The following CAST variants were observed in gnomAD, a reference collection of about 807,000 sequenced individuals.
CAST encodes calpastatin, also known as MIR583 host.
In CAST, 76 loss-of-function variants were observed where a neutral mutation model predicts 119.6. The observed-to-expected ratio is 0.64, with a 90% CI of 0.53 to 0.77. The LOEUF (loss-of-function observed/expected upper bound fraction) is 0.77, where lower values mean the gene tolerates loss of function less well. CAST is among the 30% of genes least tolerant of loss of function. CAST has a pLI of 0.00. For synonymous variants in CAST, 319 were observed against 331.6 expected (o/e 0.96, Z 0.41); for missense variants, 953 against 946.5 (o/e 1.01, Z -0.09).
chr5:96,291,041 A>C, the CAST span, among the ~76,000 whole-genome samples: 10 of 152,234 alleles, frequency 6.6e-5, no homozygotes, highest in African/African-American at 2.4e-4. Context: ...TACAGAGAAC[A>C]ACTGAGGCTC....
intron 1 of CAST, among the ~76,000 whole-genome samples, chr5:96,538,796 A>G (rs150311375): frequency 6.9e-4 from 97 of 141,018 alleles, no homozygotes; most frequent in African/African-American, 2.5e-3. Flanking sequence ...TCTCTGTATC[A>G]CATCATAAGA....
At chr5:96,257,335 C>T in the CAST span, among the ~76,000 whole-genome samples, 1 of 152,120 alleles carries the variant, frequency 6.6e-6, no homozygotes, top group Non-Finnish European at 1.5e-5. Flanking sequence ...CTATTGGGTT[C>T]TGATCAAATG....
chr5:96,585,843 A>T (rs1580835548), intron 1 of CAST, among the ~76,000 whole-genome samples: 1 of 152,244 alleles, frequency 6.6e-6, no homozygotes, highest in Non-Finnish European at 1.5e-5. Context: ...GACGTGCAGG[A>T]CAAATTTTCT....
the CAST span, among the ~76,000 whole-genome samples, chr5:96,001,212 TA>T: frequency 6.6e-6 from 1 of 152,220 alleles, no homozygotes; most frequent in South Asian, 2.1e-4. Flanking sequence ...GAGGCACTCT[TA>T]AGCAAAGGTA....
At chr5:96,072,269 A>G in the CAST span, among the ~76,000 whole-genome samples, 1 of 152,086 alleles carries the variant, frequency 6.6e-6, no homozygotes, top group Non-Finnish European at 1.5e-5. Context: ...TTCAGGGAGT[A>G]AGGGGTTGAA....
the CAST span, among the ~76,000 whole-genome samples, chr5:96,359,499 C>G: frequency 3.3e-5 from 5 of 152,128 alleles, no homozygotes; most frequent in African/African-American, 7.2e-5. Flanking sequence ...TTTAGTGCTT[C>G]TTTCAGGAGC....
chr5:96,672,671 C>T (rs2150241332), intron 1 of CAST, among the ~76,000 whole-genome samples: 1 of 138,672 alleles, frequency 7.2e-6, no homozygotes, highest in South Asian at 2.2e-4. Flanking sequence ...CGCACCACTG[C>T]TCTCCAGCCT....
chr5:96,245,062 TCTTC>T, the CAST span, among the ~76,000 whole-genome samples: 1 of 152,232 alleles, frequency 6.6e-6, no homozygotes, highest in East Asian at 1.9e-4. Flanking sequence ...CTACAAAAAA[TCTTC>T]CTTCCTTTTT....
the CAST span, among the ~76,000 whole-genome samples, chr5:96,168,718 A>G: frequency 8.5e-5 from 13 of 152,088 alleles, no homozygotes; most frequent in African/African-American, 3.1e-4. Context: ...GATTAGAGAG[A>G]TACAGTCATG....
At chr5:96,205,823 GTATATACCCAA>G in the CAST span, among the ~76,000 whole-genome samples, 1 of 151,874 alleles carries the variant, frequency 6.6e-6, no homozygotes, top group African/African-American at 2.4e-5. Flanking sequence ...ATTCCTTTGG[GTATATACCCAA>G]TATGAGATTG....
the CAST span, among the ~76,000 whole-genome samples, chr5:96,446,337 C>T: frequency 9.9e-5 from 15 of 152,274 alleles, no homozygotes; most frequent in Admixed American, 2.6e-4. Flanking sequence ...CATTGCAAAC[C>T]GCTCTACCAT....
At position 96,662,514 on chromosome 5, in the gene CAST, T is replaced by C. The variant is rs1748676844; in HGVS notation, c.75+17T>C. The C allele has an allele frequency of 1.5e-6, 2 of 1,369,594 alleles. No homozygotes were observed. Among genetic ancestry groups the C allele is most frequent in the East Asian group, 6.2e-5 (2 of 32,248 alleles). 84.8% of individuals were successfully genotyped at this position (1,369,594 alleles called of 1,614,324 possible). A position where few individuals can be genotyped will look rare whatever the true frequency, so the allele number is the denominator to read the frequency against. On this transcript the variant is annotated intron_variant, in intron 1 of 31. Transcript: ENST00000675179. ...ACCCATGAGGTGAGTGGCGCTCCTGTCGGCGTCGCGGGGCTGGGCGATGGG... is the reference window on the plus strand; with the variant it reads ...ACCCATGAGGTGAGTGGCGCTCCTGCCGGCGTCGCGGGGCTGGGCGATGGG...
the CAST span, among the ~76,000 whole-genome samples, chr5:96,270,477 T>C: frequency 6.6e-6 from 1 of 152,162 alleles, no homozygotes; most frequent in Non-Finnish European, 1.5e-5. Flanking sequence ...CAACATGATG[T>C]TATACTTAGA....
chr5:96,021,654 G>T, the CAST span, among the ~76,000 whole-genome samples: 1 of 152,046 alleles, frequency 6.6e-6, no homozygotes, highest in African/African-American at 2.4e-5. Context: ...CACTGTGTTA[G>T]CCAGGATGGT....
At chr5:96,052,779 C>T in the CAST span, among the ~76,000 whole-genome samples, 1 of 152,284 alleles carries the variant, frequency 6.6e-6, no homozygotes, top group South Asian at 2.1e-4. Flanking sequence ...ACAAGTGTGA[C>T]ATGTGATTAG....
chr5:96,355,883 G>C, the CAST span, among the ~76,000 whole-genome samples: 3 of 152,008 alleles, frequency 2.0e-5, no homozygotes, highest in Non-Finnish European at 4.4e-5. Context: ...TGTATTTTTA[G>C]TATAGATGGG....
At chr5:96,206,678 C>T in the CAST span, among the ~76,000 whole-genome samples, 1 of 152,062 alleles carries the variant, frequency 6.6e-6, no homozygotes, top group Non-Finnish European at 1.5e-5. Flanking sequence ...TAATTTTGTA[C>T]CAGTGTCATG....
chr5:96,658,766 C>T (rs2150206248), upstream of CAST, among the ~76,000 whole-genome samples: 1 of 152,306 alleles, frequency 6.6e-6, no homozygotes, highest in South Asian at 2.1e-4. Context: ...TCAGCTTTAT[C>T]ATCCACAGGT....
chr5:96,645,981 T>C (rs1392754396), intron 1 of CAST, among the ~76,000 whole-genome samples: 3 of 151,758 alleles, frequency 2.0e-5, no homozygotes, highest in Non-Finnish European at 4.4e-5. Context: ...GTCACAAATA[T>C]AGAATTCACA....
Sources: gnomAD v4.1 joint callset for allele counts (sites outside exome capture counted in the v4.1 genomes callset) on GRCh38, gnomAD v4.1.1 for gene constraint, MANE v1.5 for transcripts, NCBI Gene and HGNC (gene_info 2026-07-23, HGNC 2026-07-21) for gene names.